Variants in SFXN5 observed in about 807,000 individuals in gnomAD.
SFXN5 encodes sideroflexin-5.
Under a neutral mutation model 50.2 loss-of-function variants are expected in SFXN5, and 43 were observed. The observed-to-expected ratio is 0.86, with a 90% CI of 0.67 to 1.11. SFXN5 has a LOEUF of 1.11. SFXN5 is among the 50% of genes least tolerant of loss of function. The pLI, the probability that SFXN5 is intolerant of heterozygous loss-of-function variation, is 0.00. For missense variants in SFXN5, 463 were observed against 454.1 expected (o/e 1.02, Z -0.18); for synonymous variants, 203 against 185.8 (o/e 1.09, Z -0.75).
At chr2:72,947,260 G>A (rs1169020023) in intron 13 of SFXN5, among the ~76,000 whole-genome samples, 8 of 152,224 alleles carry the variant, frequency 5.3e-5, no homozygotes, top group Non-Finnish European at 1.0e-4. Context: ...CCTCAGTGTG[G>A]AATACATGGG....
rs897437927 is a variant in SFXN5 at position 72,992,387 on chromosome 2, G to A, written c.535-4039C>T. Among the ~76,000 whole-genome samples, 1 of 152,164 alleles carries A rather than the reference G, an allele frequency of 6.6e-6. No individual in the cohort carries two copies. Among genetic ancestry groups the A allele is most frequent in the African/African-American group, 2.4e-5 (1 of 41,436 alleles). Reference sequence around the variant, plus strand: ...AGGCCAGCAAGGAGACACTGGATGAGGCTGGAAGAATGCCTGCATCCCTCT... The same window carrying A: ...AGGCCAGCAAGGAGACACTGGATGAAGCTGGAAGAATGCCTGCATCCCTCT... On this transcript the variant is annotated intron_variant, in intron 9 of 13. Transcript: ENST00000272433. The surrounding 1 kb of genome is among the most constrained non-coding windows in gnomAD (Gnocchi z 4.5).
chr2:72,961,013 G>C lies in SFXN5; in HGVS notation c.945+118C>G. ...CAGAGCCTGGGCCAGCCTCATTCACGGTTCCAGCCCCAGCGCCTAGCATGG... is the reference window on the plus strand; with the variant it reads ...CAGAGCCTGGGCCAGCCTCATTCACCGTTCCAGCCCCAGCGCCTAGCATGG... On this transcript the variant is annotated intron_variant, in intron 13 of 13. Transcript: ENST00000272433. This position sits in a 1 kb window ranked among gnomAD's most constrained non-coding sequence, Gnocchi z 4.4. The C allele has an allele frequency of 1.5e-6, 1 of 651,940 alleles. No homozygotes were observed. The highest frequency in any genetic ancestry group is 2.4e-6 in the Non-Finnish European group (1 of 424,234). The allele number at this position is 651,940 out of a possible 1,614,324, so 40.4% of individuals were successfully genotyped here.
intron 3 of SFXN5, among the ~76,000 whole-genome samples, chr2:73,028,483 G>A (rs529582187): frequency 2.6e-5 from 4 of 152,354 alleles, no homozygotes; most frequent in Non-Finnish European, 5.9e-5. Flanking sequence ...GGGTGCCTGT[G>A]AGGGTCTGCA....
chr2:72,998,911 C>G lies in SFXN5; in HGVS notation c.534+38G>C, dbSNP rs769778170. 5 of 1,609,408 alleles carry G rather than the reference C, an allele frequency of 3.1e-6. No individual in the cohort carries two copies. In the East Asian group the frequency reaches 1.1e-4, roughly 36 times the overall value. On this transcript the variant is annotated intron_variant, in intron 9 of 13. Transcript: ENST00000272433. The stretch of plus-strand genomic sequence containing the variant: ...AATGCTGAGCGGGGTGGCCCCAGAG[C>G]AGCAGAGCCAAGAAGGAGCAGGGGA...
intron 3 of SFXN5, among the ~76,000 whole-genome samples, chr2:73,035,736 G>A (rs1168921101): frequency 6.6e-6 from 1 of 152,000 alleles, no homozygotes; most frequent in Non-Finnish European, 1.5e-5. Context: ...CTGACTTTAG[G>A]TGATCCACCT....
chr2:72,964,380 G>C (rs1338293365), intron 12 of SFXN5, among the ~76,000 whole-genome samples: 1 of 152,236 alleles, frequency 6.6e-6, no homozygotes, highest in Non-Finnish European at 1.5e-5. Context: ...TATAGGGTGC[G>C]TGGCACGGAC....
At position 73,071,687 on chromosome 2, in the gene SFXN5, T is replaced by C. The variant is rs533416003; in HGVS notation, c.19A>G (p.Thr7Ala). 3 of 1,613,130 alleles carry C rather than the reference T, an allele frequency of 1.9e-6. No homozygotes were observed. Among genetic ancestry groups the C allele is most frequent in the Admixed American group, 3.3e-5 (2 of 59,996 alleles). MADTATTASAAAASAAS... is the reference protein window; with the variant it reads MADTATAASAAAASAAS... ...GCACTAGCCGCCGCCGCCGATGCTG[T>C]AGTCGCTGTATCCGCCATGGCCACT... The change falls in exon 1 of 14, where the codon ACA becomes GCA. Residue 7 changes from threonine to alanine, a missense_variant. By Grantham distance (58) the Thr-to-Ala change is moderately conservative (BLOSUM62 0). Coordinates refer to ENST00000272433, the MANE Select transcript of SFXN5 (RefSeq NM_144579.3).
chr2:73,019,303 A>G (rs1283361312), intron 6 of SFXN5: 2 of 152,112 alleles, frequency 1.3e-5, no homozygotes, highest in Non-Finnish European at 2.9e-5. Context: ...GAGGTTTCTG[A>G]GATGCTAATG....
chr2:73,059,160 C>T, intron 1 of SFXN5: 1 of 986,680 alleles, frequency 1.0e-6, no homozygotes, highest in Non-Finnish European at 1.2e-6. Flanking sequence ...GGCAGCTCCC[C>T]CAACCTTGCC....
chr2:72,956,173 C>T (rs1673066962), intron 13 of SFXN5, among the ~76,000 whole-genome samples: 1 of 152,224 alleles, frequency 6.6e-6, no homozygotes, highest in South Asian at 2.1e-4. Context: ...CAGCAGTAAC[C>T]TCCAGATCCA....
intron 2 of SFXN5, among the ~76,000 whole-genome samples, chr2:73,047,963 AATT>A (rs1680730443): frequency 6.7e-6 from 1 of 150,300 alleles, no homozygotes. Flanking sequence ...AAGAGTAAAT[AATT>A]AATAGAATAA....
intron 9 of SFXN5, among the ~76,000 whole-genome samples, chr2:72,990,357 C>G (rs954436621): frequency 6.6e-6 from 1 of 152,034 alleles, no homozygotes; most frequent in African/African-American, 2.4e-5. Flanking sequence ...GGGGAGCTGC[C>G]GGCTCATACT....
chr2:73,069,128 G>A (rs1367913284), intron 1 of SFXN5, among the ~76,000 whole-genome samples: 1 of 152,142 alleles, frequency 6.6e-6, no homozygotes, highest in Non-Finnish European at 1.5e-5. Flanking sequence ...TATCTCAGAA[G>A]CAGGGGAAGC....
chr2:72,972,414 G>A (rs1419681769), intron 10 of SFXN5, among the ~76,000 whole-genome samples: 2 of 152,250 alleles, frequency 1.3e-5, no homozygotes, highest in African/African-American at 2.4e-5. Flanking sequence ...GCTTCCTATG[G>A]CTGAGTGCCT....
At chr2:72,948,706 A>G (rs966523623) in intron 13 of SFXN5, among the ~76,000 whole-genome samples, 1 of 152,212 alleles carries the variant, frequency 6.6e-6, no homozygotes, top group African/African-American at 2.4e-5. Flanking sequence ...CGCCACACAC[A>G]GGGCAGCAGG....
intron 12 of SFXN5, among the ~76,000 whole-genome samples, chr2:72,963,582 G>T (rs1002032402): frequency 6.6e-6 from 1 of 152,106 alleles, no homozygotes; most frequent in Non-Finnish European, 1.5e-5. Flanking sequence ...AAAGGCAGCT[G>T]GGGGAGTTAA....
intron 3 of SFXN5, among the ~76,000 whole-genome samples, chr2:73,032,026 G>A (rs141747947): frequency 6.6e-6 from 1 of 152,162 alleles, no homozygotes; most frequent in African/African-American, 2.4e-5. Flanking sequence ...AGGACCTGCT[G>A]GATTAAATGT....
intron 6 of SFXN5, among the ~76,000 whole-genome samples, chr2:73,012,358 A>G (rs1240737977): frequency 6.6e-6 from 1 of 152,078 alleles, no homozygotes; most frequent in African/African-American, 2.4e-5. Flanking sequence ...TCTTGGTGGT[A>G]TTTTTGAATC....
intron 1 of SFXN5, among the ~76,000 whole-genome samples, chr2:73,061,579 C>T (rs963942295): frequency 1.2e-4 from 19 of 152,008 alleles, no homozygotes; most frequent in African/African-American, 4.1e-4. Context: ...AGGCAAATAG[C>T]GAAGTTTTCC....
Sources: allele counts gnomAD v4.1 joint callset (sites outside exome capture counted in the v4.1 genomes callset), GRCh38; gene constraint gnomAD v4.1.1; non-coding constraint Gnocchi (gnomAD v3.1); transcripts MANE v1.5; gene names NCBI Gene and HGNC (gene_info 2026-07-23, HGNC 2026-07-21).